The following MAGI1 variants were observed in gnomAD, a reference collection of about 807,000 sequenced individuals.
MAGI1 encodes membrane-associated guanylate kinase, WW and PDZ domain-containing protein 1.
MAGI1 carries 58 observed loss-of-function variants against 139.9 expected under a neutral mutation model. The ratio of observed to expected loss-of-function variants is 0.41; its 90% CI spans 0.34 to 0.52. The LOEUF is 0.52. Ranked by LOEUF, MAGI1 falls within the 20% of genes least tolerant of loss-of-function variation. The pLI is 0.12. For missense variants in MAGI1, 1,874 were observed against 1,901.6 expected, an observed-to-expected ratio of 0.99 and a Z score of 0.27; for synonymous variants, 812 against 737.9, an observed-to-expected ratio of 1.10 and a Z score of -1.63.
intron 18 of MAGI1, among the ~76,000 whole-genome samples, chr3:65,369,417 G>A (rs1941761621): frequency 6.6e-6 from 1 of 152,132 alleles, no homozygotes; most frequent in South Asian, 2.1e-4. Context: ...CATGGAAATG[G>A]ACTCAGAGTA....
chr3:65,959,598 A>ACTT (rs1560056288), intron 1 of MAGI1, among the ~76,000 whole-genome samples: 3 of 137,846 alleles, frequency 2.2e-5, no homozygotes, highest in African/African-American at 8.1e-5. Context: ...CCATCCCAGC[A>ACTT]TTTTTATTAT....
At chr3:65,526,135 T>C (rs1276862571) in intron 2 of MAGI1, among the ~76,000 whole-genome samples, 2 of 152,212 alleles carry the variant, frequency 1.3e-5, no homozygotes, top group East Asian at 1.9e-4. Flanking sequence ...AAATATTTAT[T>C]GTGCTTTTCC....
chr3:65,423,403 GAA>G (rs985517900), intron 12 of MAGI1, among the ~76,000 whole-genome samples: 1 of 147,004 alleles, frequency 6.8e-6, no homozygotes, highest in African/African-American at 2.5e-5. Flanking sequence ...CACACACAGA[GAA>G]GAGCTAATGC....
intron 1 of MAGI1, among the ~76,000 whole-genome samples, chr3:65,777,499 T>C (rs2038547276): frequency 6.6e-6 from 1 of 151,966 alleles, no homozygotes; most frequent in Non-Finnish European, 1.5e-5. Flanking sequence ...CATGGCAAAG[T>C]GCGGTTGCTT....
chr3:65,719,548 CTTT>C (rs60382042), intron 1 of MAGI1, among the ~76,000 whole-genome samples: 3 of 140,610 alleles, frequency 2.1e-5, no homozygotes, highest in Admixed American at 7.2e-5. Flanking sequence ...TACTCAACCT[CTTT>C]TTTTTTTTTT....
At chr3:65,649,891 C>T (rs112488087) in intron 1 of MAGI1, among the ~76,000 whole-genome samples, 90 of 152,250 alleles carry the variant, frequency 5.9e-4, no homozygotes, top group Middle Eastern at 6.8e-3. Context: ...ATCACTCATA[C>T]GCTGCCTGTG....
At chr3:65,626,100 GGT>G (rs1051170623) in intron 1 of MAGI1, among the ~76,000 whole-genome samples, 4 of 152,124 alleles carry the variant, frequency 2.6e-5, no homozygotes, top group Non-Finnish European at 5.9e-5. Context: ...ATTTCTCTTA[GGT>G]GACAAGAGTT....
intron 1 of MAGI1, among the ~76,000 whole-genome samples, chr3:65,849,252 T>C (rs1488271155): frequency 1.3e-5 from 2 of 151,314 alleles, no homozygotes; most frequent in African/African-American, 4.8e-5. Flanking sequence ...TTTGAACTCC[T>C]GACCTCAGGT....
chr3:65,930,054 C>G (rs1323546230), intron 1 of MAGI1, among the ~76,000 whole-genome samples: 1 of 152,064 alleles, frequency 6.6e-6, no homozygotes, highest in African/African-American at 2.4e-5. Context: ...CGTTGGCTCA[C>G]ACCTGTAATC....
intron 1 of MAGI1, among the ~76,000 whole-genome samples, chr3:65,979,578 T>C (rs2065459228): frequency 6.6e-6 from 1 of 152,210 alleles, no homozygotes; most frequent in African/African-American, 2.4e-5. Flanking sequence ...CATTAGAACC[T>C]TGAAGTACCC....
At chr3:65,946,178 A>T (rs1013906050) in intron 1 of MAGI1, among the ~76,000 whole-genome samples, 2 of 152,216 alleles carry the variant, frequency 1.3e-5, no homozygotes, top group African/African-American at 4.8e-5. Flanking sequence ...CCATTCCTGC[A>T]TGCCCTCCCA....
intron 1 of MAGI1, among the ~76,000 whole-genome samples, chr3:65,911,050 G>A (rs1305433716): frequency 1.3e-5 from 2 of 151,034 alleles, no homozygotes; most frequent in Non-Finnish European, 2.9e-5. Context: ...TAGAGACGGG[G>A]TTTCACCATA....
intron 2 of MAGI1, among the ~76,000 whole-genome samples, chr3:65,509,324 G>T (rs1002196880): frequency 2.0e-5 from 3 of 152,218 alleles, no homozygotes; most frequent in African/African-American, 7.2e-5. Flanking sequence ...AATAGGAACA[G>T]CTCCGGTCTA....
chr3:65,556,624 A>G (rs1576310369), intron 2 of MAGI1, among the ~76,000 whole-genome samples: 1 of 152,276 alleles, frequency 6.6e-6, no homozygotes, highest in Admixed American at 6.5e-5. Flanking sequence ...ATTCACTACA[A>G]TTTCTCCTGC....
intron 1 of MAGI1, among the ~76,000 whole-genome samples, chr3:65,918,884 C>T (rs1039936762): frequency 4.6e-5 from 7 of 151,982 alleles, no homozygotes; most frequent in African/African-American, 1.7e-4. Flanking sequence ...TTCAATTATA[C>T]TGCAGAGTGA....
chr3:65,848,866 G>T (rs944219872), intron 1 of MAGI1, among the ~76,000 whole-genome samples: 11 of 151,968 alleles, frequency 7.2e-5, no homozygotes, highest in Non-Finnish European at 1.6e-4. Flanking sequence ...TGCTGCTGTG[G>T]ACACTTCCTG....
At chr3:65,588,235 AT>A (rs1260301650) in intron 2 of MAGI1, among the ~76,000 whole-genome samples, 3 of 152,216 alleles carry the variant, frequency 2.0e-5, no homozygotes, top group Non-Finnish European at 2.9e-5. Context: ...TTCCAAGAAT[AT>A]AGATAGTCAG....
chr3:65,356,545 C>CG lies in MAGI1; in HGVS notation c.4221dup (p.Glu1408ArgfsTer50). 1 of 1,609,392 alleles carries CG rather than the reference C, an allele frequency of 6.2e-7. No homozygotes were observed. The highest frequency in any genetic ancestry group is 2.2e-5 in the East Asian group (1 of 44,804). On this transcript the variant is annotated frameshift_variant, in exon 23 of 23. Coordinates refer to ENST00000402939, the MANE Select transcript of MAGI1 (RefSeq NM_001033057.2). LOFTEE classifies it low-confidence loss of function (END_TRUNC). ...TCCAGGGACCGCTCTCTCCTGCGCT[C>CG]GGGGGAGCGTGCGCGCCTCCGGTCG...
chr3:65,514,143 A>T (rs1309149215), intron 2 of MAGI1, among the ~76,000 whole-genome samples: 1 of 150,842 alleles, frequency 6.6e-6, no homozygotes, highest in East Asian at 1.9e-4. Flanking sequence ...CTTATACCTT[A>T]TACAAAAATC....
Sources: allele counts gnomAD v4.1 joint callset (sites outside exome capture counted in the v4.1 genomes callset), GRCh38; gene constraint gnomAD v4.1.1; transcripts MANE v1.5; gene names NCBI Gene and HGNC (gene_info 2026-07-23, HGNC 2026-07-21).